SYT14: variants seen among roughly 807,000 people sequenced by gnomAD.
SYT14 encodes synaptotagmin-14.
SYT14 carries 32 observed loss-of-function variants against 74.2 expected under a neutral mutation model. That is an observed-to-expected ratio of 0.43 (90% CI 0.33 to 0.58). The LOEUF (loss-of-function observed/expected upper bound fraction) is 0.58. SYT14 is among the 20% of genes least tolerant of loss of function. The pLI, the probability that SYT14 is intolerant of heterozygous loss-of-function variation, is 0.05. For synonymous variants in SYT14, 298 were observed against 337.7 expected, an observed-to-expected ratio of 0.88 and a Z score of 1.29; for missense variants, 791 against 981.8, an observed-to-expected ratio of 0.81 and a Z score of 2.60.
intron 7 of SYT14, among the ~76,000 whole-genome samples, chr1:210,128,110 C>T (rs1016195785): frequency 2.6e-5 from 4 of 152,098 alleles, no homozygotes; most frequent in East Asian, 3.9e-4. Context: ...TGGTGGCTCA[C>T]GCCTGTAATC....
At chr1:209,991,691 G>A (rs1461460880) in intron 2 of SYT14, among the ~76,000 whole-genome samples, 6 of 152,118 alleles carry the variant, frequency 3.9e-5, no homozygotes, top group African/African-American at 1.4e-4. Flanking sequence ...TTAGCTGGGC[G>A]TGGTGGTGTG....
At chr1:209,975,640 A>C (rs1056045382) in intron 2 of SYT14, among the ~76,000 whole-genome samples, 3 of 152,176 alleles carry the variant, frequency 2.0e-5, no homozygotes, top group Admixed American at 6.5e-5. Context: ...ATCAATGTTC[A>C]TCAGGGATAT....
chr1:210,046,171 GA>G (rs2080880805), intron 5 of SYT14, among the ~76,000 whole-genome samples: 2 of 152,174 alleles, frequency 1.3e-5, no homozygotes, highest in African/African-American at 2.4e-5. Flanking sequence ...AGGAGTTCAA[GA>G]CCAGTCTGGC....
At chr1:210,128,293 C>T (rs949564010) in intron 7 of SYT14, among the ~76,000 whole-genome samples, 8 of 151,698 alleles carry the variant, frequency 5.3e-5, no homozygotes, top group Non-Finnish European at 8.8e-5. Context: ...GGGAGGATTG[C>T]TTGAGGCTGG....
chr1:210,020,891 G>A (rs544536976), intron 4 of SYT14, 148 bp from the exon 4 acceptor site: 6 of 662,668 alleles, frequency 9.1e-6, no homozygotes, highest in Non-Finnish European at 1.6e-5. Flanking sequence ...GTGCATATAT[G>A]TATATGTGTG....
At chr1:210,145,761 C>T (rs2083020055) in intron 7 of SYT14, among the ~76,000 whole-genome samples, 2 of 152,152 alleles carry the variant, frequency 1.3e-5, no homozygotes, top group Admixed American at 6.6e-5. Context: ...GGGCTTAGCT[C>T]ATACTTTCTT....
intron 4 of SYT14, among the ~76,000 whole-genome samples, chr1:210,017,850 C>A (rs1385409330): frequency 6.6e-6 from 1 of 152,156 alleles, no homozygotes; most frequent in South Asian, 2.1e-4. Flanking sequence ...TATTGCTGAT[C>A]TGATCACAAG....
intron 7 of SYT14, among the ~76,000 whole-genome samples, chr1:210,141,949 G>A (rs2082923324): frequency 6.6e-6 from 1 of 152,168 alleles, no homozygotes; most frequent in Admixed American, 6.5e-5. Flanking sequence ...CCTAGATTTT[G>A]CTCTTATTTT....
chr1:209,979,862 CA>C lies in SYT14; in HGVS notation c.-486+27107del, dbSNP rs201936464. Among the ~76,000 whole-genome samples the C allele has an allele frequency of 9.2e-3, 1,400 of 152,262 alleles. 8 individuals carry two copies. The highest frequency in any genetic ancestry group is 0.015 in the Admixed American group (236 of 15,292). On this transcript the variant is annotated intron_variant, in intron 2 of 9. Transcript: ENST00000637265. ...CTTTATCCAGTCCATCACTGATGGGCATTTAGATTGATTCCACGTCTTTGCT... is the reference window on the plus strand; with the variant it reads ...CTTTATCCAGTCCATCACTGATGGGCTTTAGATTGATTCCACGTCTTTGCT...
At chr1:209,944,282 C>T (rs892343248) in intron 1 of SYT14, among the ~76,000 whole-genome samples, 2 of 152,018 alleles carry the variant, frequency 1.3e-5, no homozygotes, top group Admixed American at 6.5e-5. Context: ...TATTGTGTTA[C>T]GTTAATGAGC....
At chr1:210,072,661 C>A (rs970057474) in intron 5 of SYT14, among the ~76,000 whole-genome samples, 24 of 151,998 alleles carry the variant, frequency 1.6e-4, no homozygotes, top group South Asian at 1.0e-3. Context: ...ATTTTTAATT[C>A]TTAGTCCTAC....
intron 1 of SYT14, among the ~76,000 whole-genome samples, chr1:209,949,988 A>T (rs1195641486): frequency 2.0e-5 from 3 of 152,166 alleles, no homozygotes; most frequent in Non-Finnish European, 4.4e-5. Flanking sequence ...ATTGGCTTTC[A>T]TTGTCATTCT....
chr1:210,024,189 G>T (rs1460575536), intron 5 of SYT14, among the ~76,000 whole-genome samples: 2 of 152,184 alleles, frequency 1.3e-5, no homozygotes, highest in Non-Finnish European at 2.9e-5. Context: ...TTGCCAGTGA[G>T]AATTTGCTGA....
chr1:210,144,295 C>G (rs1309540966), intron 7 of SYT14, among the ~76,000 whole-genome samples: 2 of 152,088 alleles, frequency 1.3e-5, no homozygotes, highest in Admixed American at 1.3e-4. Context: ...GTCCAAGATA[C>G]AAATAATAAT....
At chr1:210,032,076 T>C (rs1229083364) in intron 5 of SYT14, among the ~76,000 whole-genome samples, 3 of 151,974 alleles carry the variant, frequency 2.0e-5, no homozygotes, top group African/African-American at 7.2e-5. Context: ...CATGGCAGAG[T>C]TAAGTATCTT....
chr1:209,978,830 T>C (rs867699360), intron 2 of SYT14, among the ~76,000 whole-genome samples: 5 of 152,316 alleles, frequency 3.3e-5, no homozygotes, highest in South Asian at 2.1e-4. Flanking sequence ...AGGCAGGCCT[T>C]CTTGAGCTGT....
exon 7 of SYT14, chr1:210,100,112 C>T (rs2082036267): frequency 6.2e-7 from 1 of 1,614,090 alleles, no homozygotes; most frequent in East Asian, 2.2e-5. Flanking sequence ...GACTATGACT[C>T]ACAAGAACAG....
At chr1:210,000,874 A>G (rs1189005098) in intron 2 of SYT14, among the ~76,000 whole-genome samples, 1 of 151,860 alleles carries the variant, frequency 6.6e-6, no homozygotes, top group African/African-American at 2.4e-5. Flanking sequence ...CGGCCTCCCA[A>G]AGTGCTGGGA....
At chr1:210,083,756 A>G (rs935330125) in intron 5 of SYT14, among the ~76,000 whole-genome samples, 1 of 151,994 alleles carries the variant, frequency 6.6e-6, no homozygotes, top group African/African-American at 2.4e-5. Flanking sequence ...TTTTGTAGAG[A>G]TGAACTTTCG....
Sources: gnomAD v4.1 joint callset for allele counts (sites outside exome capture counted in the v4.1 genomes callset) on GRCh38, gnomAD v4.1.1 for gene constraint, MANE v1.5 for transcripts, NCBI Gene and HGNC (gene_info 2026-07-23, HGNC 2026-07-21) for gene names.